CNKSR3: variants seen among roughly 807,000 people sequenced by gnomAD.
The protein encoded by CNKSR3 is connector enhancer of kinase suppressor of ras 3.
In CNKSR3, 36 loss-of-function variants were observed where a neutral mutation model predicts 67.7. The ratio of observed to expected loss-of-function variants is 0.53; its 90% CI spans 0.41 to 0.70. The LOEUF (loss-of-function observed/expected upper bound fraction) is 0.70, where lower values mean the gene tolerates loss of function less well. CNKSR3 is among the 30% of genes least tolerant of loss of function. The probability of loss-of-function intolerance (pLI) is 0.00; values close to 1 mark genes in which losing one functional copy is unlikely to be tolerated. For missense variants in CNKSR3, 630 were observed against 695.2 expected, an observed-to-expected ratio of 0.91 and a Z score of 1.05; for synonymous variants, 281 against 271.4, an observed-to-expected ratio of 1.04 and a Z score of -0.35.
rs753943552 is a variant in CNKSR3, at chr6:154,422,981, A to G, written c.732T>C (p.Ser244=). 88 of 1,599,698 alleles carry G rather than the reference A, an allele frequency of 5.5e-5. No homozygotes were observed. In the South Asian group the frequency reaches 7.1e-4, roughly 13 times the overall value. ...GAATCTTCTGAGATCTGTCTGCAGG[A>G]GACTGTACAGAAACAAAATAACCTG... ...LHVITGTTEN[S]PADRSQKIHA... The change falls in exon 8 of 13, where the codon TCT becomes TCC. Residue 244 remains serine (S), a splice_region_variant and synonymous_variant. Transcript: ENST00000607772.
Position 154,505,500 on chromosome 6 carries a change from T to TA in CNKSR3, c.52+4562_52+4563insT, listed in dbSNP as rs201891577. Among the ~76,000 whole-genome samples, 321 of 112,516 alleles carry TA rather than the reference T, an allele frequency of 2.9e-3. 9 individuals are homozygous for TA. The highest frequency in any genetic ancestry group is 0.013 in the South Asian group (52 of 3,910). 73.8% of individuals were successfully genotyped at this position (112,516 alleles called of 152,430 possible). A position where few individuals can be genotyped will look rare whatever the true frequency, so the allele number is the denominator to read the frequency against. On this transcript the variant is annotated intron_variant, in intron 1 of 12. Coordinates refer to ENST00000607772, the MANE Select transcript of CNKSR3 (RefSeq NM_173515.4). Reference sequence around the variant, plus strand: ...CACAATTTTATTATTATTATTATTTTTTTTTTTTTTTTTTTGAGACAGAGT... The same window carrying TA: ...CACAATTTTATTATTATTATTATTTTATTTTTTTTTTTTTTTGAGACAGAGT...
chr6:154,471,450 G>T (rs1224946425), intron 1 of CNKSR3, among the ~76,000 whole-genome samples: 1 of 152,120 alleles, frequency 6.6e-6, no homozygotes, highest in Non-Finnish European at 1.5e-5. Context: ...TGAGGCAGGA[G>T]AATTGCTTCA....
At chr6:154,476,457 C>CAAAAA (rs11332561) in intron 1 of CNKSR3, among the ~76,000 whole-genome samples, 1 of 110,818 alleles carries the variant, frequency 9.0e-6, no homozygotes, top group South Asian at 3.0e-4. Flanking sequence ...AACTATGTCT[C>CAAAAA]AAAAAAAAAA....
intron 3 of CNKSR3, 55 bp downstream of exon 3, chr6:154,442,033 C>A (rs575935167): frequency 1.4e-6 from 2 of 1,454,170 alleles, no homozygotes; most frequent in East Asian, 4.6e-5. Context: ...AGCTTCCATG[C>A]AGCTTGGACT....
intron 1 of CNKSR3, among the ~76,000 whole-genome samples, chr6:154,459,045 AAAAG>A (rs1786019525): frequency 6.6e-6 from 1 of 151,966 alleles, no homozygotes; most frequent in Non-Finnish European, 1.5e-5. Context: ...TCAAAGCTAC[AAAAG>A]AAAGAAAAAG....
chr6:154,437,676 A>G (rs902876799), intron 4 of CNKSR3, among the ~76,000 whole-genome samples: 1 of 152,070 alleles, frequency 6.6e-6, no homozygotes, highest in African/African-American at 2.4e-5. Context: ...CTGGCCTCCC[A>G]AAGTTCAGGG....
chr6:154,411,678 TTA>T (rs1784916317), intron 10 of CNKSR3, among the ~76,000 whole-genome samples: 3 of 151,904 alleles, frequency 2.0e-5, no homozygotes, highest in African/African-American at 7.3e-5. Context: ...AGGGTTTTTT[TTA>T]ATATCCAAAC....
Position 154,467,206 on chromosome 6 carries a change from T to G in CNKSR3, c.53-16948A>C, listed in dbSNP as rs568088148. 7.2e-5 allele frequency among the ~76,000 whole-genome samples: 11 copies of G among 152,142 alleles called. 1 individual carries two copies. The South Asian group carries it at 2.3e-3, about 32-fold the overall frequency. On this transcript the variant is annotated intron_variant, in intron 1 of 12. Coordinates refer to ENST00000607772, the MANE Select transcript of CNKSR3 (RefSeq NM_173515.4). Reference sequence around the variant, plus strand: ...CCCAGATACCCACCGGGAGTAGAGATACTTTAATCACCTCCATCCCTCATG... The same window carrying G: ...CCCAGATACCCACCGGGAGTAGAGAGACTTTAATCACCTCCATCCCTCATG...
At chr6:154,489,558 A>G (rs1331243145) in intron 1 of CNKSR3, among the ~76,000 whole-genome samples, 2 of 151,920 alleles carry the variant, frequency 1.3e-5, no homozygotes, top group Non-Finnish European at 2.9e-5. Flanking sequence ...AAACAAACAA[A>G]CAAAGTCACT....
At position 154,434,340 on chromosome 6, in the gene CNKSR3, A is replaced by G. The variant is rs190912465; in HGVS notation, c.508-833T>C. Among the ~76,000 whole-genome samples, 17 of 152,324 alleles carry G rather than the reference A, an allele frequency of 1.1e-4. 1 individual carries two copies. In the East Asian group the frequency reaches 3.3e-3, roughly 29 times the overall value. On this transcript the variant is annotated intron_variant, in intron 4 of 12. Coordinates refer to ENST00000607772, the MANE Select transcript of CNKSR3 (RefSeq NM_173515.4). ...CATGCAGAAAAAAAAAATCGATACAACTAGATTCTATAGAGTTTATTCAGC... is the reference window on the plus strand; with the variant it reads ...CATGCAGAAAAAAAAAATCGATACAGCTAGATTCTATAGAGTTTATTCAGC...
In CNKSR3 at chr6:154,396,198, G is replaced by A. The variant is rs777202924; in HGVS notation, c.*10156C>T. On this transcript the variant is annotated 3_prime_UTR_variant, in exon 13 of 13. Coordinates refer to ENST00000607772, the MANE Select transcript of CNKSR3 (RefSeq NM_173515.4). ...CTGGCTAATTTGAAACTGCCTGTAC[G>A]AGCTTTAAATGAGTTCTTTGTGGAC... 2 of 152,286 alleles carry A rather than the reference G, an allele frequency of 1.3e-5. No individual in the cohort carries two copies. Among genetic ancestry groups the A allele is most frequent in the Admixed American group, 1.3e-4 (2 of 15,304 alleles). The allele number at this position is 152,286 out of a possible 1,614,324, so 9.4% of individuals were successfully genotyped here.
intron 5 of CNKSR3, among the ~76,000 whole-genome samples, chr6:154,431,910 T>C (rs1015721155): frequency 6.6e-6 from 1 of 152,236 alleles, no homozygotes; most frequent in African/African-American, 2.4e-5. Flanking sequence ...CATTCATCTA[T>C]TGAGAGACAT....
chr6:154,388,187 T>C lies in CNKSR3; in HGVS notation c.*18167A>G, dbSNP rs1318896737. The C allele has an allele frequency of 1.3e-5, 2 of 152,200 alleles. No homozygotes were observed. Among genetic ancestry groups the C allele is most frequent in the Non-Finnish European group, 2.9e-5 (2 of 68,026 alleles). The allele number at this position is 152,200 out of a possible 1,614,324, so 9.4% of individuals were successfully genotyped here. A position where few individuals can be genotyped will look rare whatever the true frequency, so the allele number is the denominator to read the frequency against. On this transcript the variant is annotated 3_prime_UTR_variant, in exon 13 of 13. Transcript: ENST00000607772. The stretch of plus-strand genomic sequence containing the variant: ...GTAACTCCCCACTCCCCTCAGCCCC[T>C]GGCCACCATCATTTCACTCTTTGGT...
At chr6:154,442,566 G>A (rs1785621757) in intron 2 of CNKSR3, among the ~76,000 whole-genome samples, 1 of 152,176 alleles carries the variant, frequency 6.6e-6, no homozygotes, top group South Asian at 2.1e-4. Context: ...AGCTTGCAGT[G>A]AGCCGAGATG....
chr6:154,482,962 G>T (rs1372442850), intron 1 of CNKSR3, among the ~76,000 whole-genome samples: 1 of 152,172 alleles, frequency 6.6e-6, no homozygotes, highest in Non-Finnish European at 1.5e-5. Context: ...ATTTCTGCCT[G>T]CCACGTTAGA....
At chr6:154,473,957 G>C (rs982427062) in intron 1 of CNKSR3, among the ~76,000 whole-genome samples, 1 of 151,344 alleles carries the variant, frequency 6.6e-6, no homozygotes, top group Non-Finnish European at 1.5e-5. Flanking sequence ...ACTAATTTTT[G>C]TATTTTTAGT....
chr6:154,446,394 A>T (rs1299915012), intron 2 of CNKSR3, among the ~76,000 whole-genome samples: 1 of 152,234 alleles, frequency 6.6e-6, no homozygotes, highest in Admixed American at 6.5e-5. Flanking sequence ...ACTTGGGTCA[A>T]TTAAGAGACA....
chr6:154,468,080 CTT>C lies in CNKSR3; in HGVS notation c.53-17824_53-17823del, dbSNP rs71021055. On this transcript the variant is annotated intron_variant, in intron 1 of 12. Transcript: ENST00000607772. ...TAGGCTTTTTTTTTTTCTTTTTTTTCTTTTTTTTTTTTTTGAGACAGGGTCTT... is the reference window on the plus strand; with the variant it reads ...TAGGCTTTTTTTTTTTCTTTTTTTTCTTTTTTTTTTTTGAGACAGGGTCTT... Among the ~76,000 whole-genome samples the C allele has an allele frequency of 1.9e-3, 205 of 107,466 alleles. 2 individuals are homozygous for C. The highest frequency in any genetic ancestry group is 7.1e-3 in the African/African-American group (185 of 25,880). 70.5% of individuals were successfully genotyped at this position (107,466 alleles called of 152,430 possible).
rs1784742409 is a variant in CNKSR3, at chr6:154,403,800, CGAA to C, written c.*2551_*2553del. ...ACTGCCTATAATGAAGACTGACTGC[CGAA>C]TATTCACTTAAAGGATGGCTGTTCA... On this transcript the variant is annotated 3_prime_UTR_variant, in exon 13 of 13. Transcript: ENST00000607772. 1 of 152,040 alleles carries C rather than the reference CGAA, an allele frequency of 6.6e-6. No homozygotes were observed. The highest frequency in any genetic ancestry group is 2.4e-5 in the African/African-American group (1 of 41,386). 9.4% of individuals were successfully genotyped at this position (152,040 alleles called of 1,614,324 possible). A position where few individuals can be genotyped will look rare whatever the true frequency, so the allele number is the denominator to read the frequency against.
Sources: allele counts gnomAD v4.1 joint callset (sites outside exome capture counted in the v4.1 genomes callset), GRCh38; gene constraint gnomAD v4.1.1; transcripts MANE v1.5; gene names NCBI Gene and HGNC (gene_info 2026-07-23, HGNC 2026-07-21).